The following CCBE1 variants were observed in gnomAD, a reference collection of about 807,000 sequenced individuals.
The protein encoded by CCBE1 is collagen and calcium-binding EGF domain-containing protein 1.
In CCBE1, 37 loss-of-function variants were observed where a neutral mutation model predicts 50.0. That is an observed-to-expected ratio of 0.74 (90% confidence interval 0.57 to 0.97). The LOEUF (loss-of-function observed/expected upper bound fraction) is 0.97, where lower values mean the gene tolerates loss of function less well. Ranked by LOEUF, CCBE1 falls within the 50% of genes least tolerant of loss-of-function variation. CCBE1 has a pLI of 0.00. For synonymous variants in CCBE1, 234 were observed against 203.7 expected, an observed-to-expected ratio of 1.15 and a Z score of -1.27; for missense variants, 538 against 523.8, an observed-to-expected ratio of 1.03 and a Z score of -0.26.
intron 2 of CCBE1, among the ~76,000 whole-genome samples, chr18:59,517,513 A>G (rs925018991): frequency 3.9e-5 from 6 of 152,342 alleles, no homozygotes; most frequent in African/African-American, 1.2e-4. Context: ...CACTACATAA[A>G]TGTAAGTACA....
chr18:59,487,375 G>A lies in CCBE1; in HGVS notation c.213-7137C>T, dbSNP rs1390185853. Among the ~76,000 whole-genome samples the A allele has an allele frequency of 2.0e-5, 3 of 152,028 alleles. No homozygotes were observed. The South Asian group carries it at 6.2e-4, about 32-fold the overall frequency. ...TTTCTGCAAAGTTCTTTAGTATGAGGAATCTTTCTTTTCAATGTTCTTCCC... is the reference window on the plus strand; with the variant it reads ...TTTCTGCAAAGTTCTTTAGTATGAGAAATCTTTCTTTTCAATGTTCTTCCC... On this transcript the variant is annotated intron_variant, in intron 2 of 10. Transcript: ENST00000439986.
chr18:59,475,691 A>AT (rs1432100653), intron 3 of CCBE1, among the ~76,000 whole-genome samples: 4 of 152,026 alleles, frequency 2.6e-5, no homozygotes, highest in African/African-American at 9.7e-5. Context: ...TACCTCTTTT[A>AT]TTCCCATGCT....
chr18:59,564,891 G>A (rs2052796843), intron 2 of CCBE1, among the ~76,000 whole-genome samples: 1 of 152,228 alleles, frequency 6.6e-6, no homozygotes, highest in Non-Finnish European at 1.5e-5. Context: ...GGATTTAAAG[G>A]CCATCAACAG....
intron 3 of CCBE1, among the ~76,000 whole-genome samples, chr18:59,474,292 A>G (rs369023807): frequency 2.0e-5 from 3 of 152,212 alleles, no homozygotes; most frequent in African/African-American, 7.2e-5. Context: ...ATATCTGATG[A>G]TCCTGAGACG....
chr18:59,438,794 A>T (rs191510125), intron 9 of CCBE1, among the ~76,000 whole-genome samples: 8 of 152,146 alleles, frequency 5.3e-5, no homozygotes. Context: ...CTGCATGCAA[A>T]ATGGGGTTGG....
At chr18:59,697,431 C>A, upstream of CCBE1, 1 of 1,488,050 alleles carries the variant, frequency 6.7e-7, no homozygotes, top group Non-Finnish European at 8.9e-7. Context: ...TTCCCTCTTC[C>A]CGGCAGGGGG....
intron 6 of CCBE1, among the ~76,000 whole-genome samples, chr18:59,449,625 CA>C (rs34310128): frequency 0.29 from 36,421 of 126,094 alleles, 4,875 homozygotes; most frequent in Middle Eastern, 0.43. Context: ...AGACTCTGTC[CA>C]AAAAAAAAAA....
chr18:59,570,165 T>A (rs1465328897), intron 2 of CCBE1, among the ~76,000 whole-genome samples: 1 of 152,220 alleles, frequency 6.6e-6, no homozygotes, highest in Non-Finnish European at 1.5e-5. Flanking sequence ...GCTTAGGATC[T>A]AGCCTGGGAG....
At chr18:59,532,055 T>C (rs1465778722) in intron 2 of CCBE1, among the ~76,000 whole-genome samples, 1 of 152,210 alleles carries the variant, frequency 6.6e-6, no homozygotes, top group African/African-American at 2.4e-5. Context: ...TCTATGTATC[T>C]CTACATTTAA....
At chr18:59,645,807 GGATCACAA>G (rs891107840) in intron 2 of CCBE1, among the ~76,000 whole-genome samples, 5 of 152,158 alleles carry the variant, frequency 3.3e-5, no homozygotes, top group African/African-American at 1.2e-4. Context: ...CAAGGTGGGC[GGATCACAA>G]GATCAGGAGA....
chr18:59,603,376 A>C (rs1330585433), intron 2 of CCBE1, among the ~76,000 whole-genome samples: 1 of 152,168 alleles, frequency 6.6e-6, no homozygotes, highest in Admixed American at 6.5e-5. Context: ...AGTTTTTATT[A>C]TTATTTCTAA....
chr18:59,552,226 G>A (rs140755609), intron 2 of CCBE1, among the ~76,000 whole-genome samples: 128 of 152,236 alleles, frequency 8.4e-4, no homozygotes, highest in African/African-American at 2.9e-3. Context: ...ACATCGCTTC[G>A]GGCACATTCT....
At chr18:59,660,735 T>TTTC (rs142859524) in intron 2 of CCBE1, among the ~76,000 whole-genome samples, 1,835 of 151,620 alleles carry the variant, frequency 0.012, 42 homozygotes, top group African/African-American at 0.042. Context: ...GTATTTTTTT[T>TTTC]AAATATGATA....
intron 5 of CCBE1, among the ~76,000 whole-genome samples, chr18:59,466,337 G>A (rs12455691): frequency 6.6e-5 from 10 of 151,908 alleles, no homozygotes; most frequent in South Asian, 2.1e-4. Flanking sequence ...GCAGTTCTCC[G>A]GTACACGTTC....
intron 2 of CCBE1, among the ~76,000 whole-genome samples, chr18:59,556,973 G>T (rs1197192833): frequency 3.5e-5 from 4 of 114,088 alleles, no homozygotes; most frequent in African/African-American, 1.1e-4. Flanking sequence ...GGCCACCAGG[G>T]GTATCTTGTG....
At chr18:59,600,885 G>A (rs1236655017) in intron 2 of CCBE1, among the ~76,000 whole-genome samples, 3 of 152,048 alleles carry the variant, frequency 2.0e-5, no homozygotes, top group Non-Finnish European at 4.4e-5. Context: ...GGGGTGGCAG[G>A]GAGGAGAGTA....
At chr18:59,684,278 G>C (rs940090998) in intron 2 of CCBE1, among the ~76,000 whole-genome samples, 3 of 152,088 alleles carry the variant, frequency 2.0e-5, no homozygotes, top group Admixed American at 6.5e-5. Flanking sequence ...GCGAAACCCT[G>C]TCTCTACAAA....
intron 2 of CCBE1, among the ~76,000 whole-genome samples, chr18:59,669,021 A>G (rs905115324): frequency 6.6e-6 from 1 of 151,746 alleles, no homozygotes; most frequent in Non-Finnish European, 1.5e-5. Context: ...TTTAGTAGAG[A>G]GAGGGTTTTA....
intron 2 of CCBE1, among the ~76,000 whole-genome samples, chr18:59,577,571 A>G (rs926430949): frequency 1.3e-5 from 2 of 152,232 alleles, no homozygotes; most frequent in Non-Finnish European, 2.9e-5. Context: ...GAATTTGTGG[A>G]TTTTTAAGAA....
Sources: allele counts gnomAD v4.1 joint callset (sites outside exome capture counted in the v4.1 genomes callset), GRCh38; gene constraint gnomAD v4.1.1; transcripts MANE v1.5; gene names NCBI Gene and HGNC (gene_info 2026-07-23, HGNC 2026-07-21).